The following MAGI1 variants were observed in gnomAD, a reference collection of about 807,000 sequenced individuals.
MAGI1 encodes the protein membrane-associated guanylate kinase, WW and PDZ domain-containing protein 1.
MAGI1 carries 58 observed loss-of-function variants against 139.9 expected under a neutral mutation model. The observed-to-expected ratio is 0.41, with a 90% confidence interval of 0.34 to 0.52. The LOEUF is 0.52. MAGI1 is among the 20% of genes least tolerant of loss of function. The pLI is 0.12. For synonymous variants in MAGI1, 812 were observed against 737.9 expected, an observed-to-expected ratio of 1.10 and a Z score of -1.63; for missense variants, 1,874 against 1,901.6, an observed-to-expected ratio of 0.99 and a Z score of 0.27.
intron 4 of MAGI1, 110 bp downstream of exon 4, chr3:65,478,482 G>A (rs1359571936): frequency 4.3e-5 from 44 of 1,032,352 alleles, no homozygotes; most frequent in Non-Finnish European, 5.7e-5. Flanking sequence ...GAATTTTGGC[G>A]ACTCTACAAA....
At chr3:65,963,722 A>C (rs2064588567) in intron 1 of MAGI1, among the ~76,000 whole-genome samples, 1 of 152,242 alleles carries the variant, frequency 6.6e-6, no homozygotes, top group Admixed American at 6.5e-5. Flanking sequence ...TATGCGAACT[A>C]CTTTAACATG....
At chr3:65,419,469 C>A (rs1946489926) in intron 12 of MAGI1, among the ~76,000 whole-genome samples, 1 of 152,110 alleles carries the variant, frequency 6.6e-6, no homozygotes, top group African/African-American at 2.4e-5. Context: ...AGGTCACAGC[C>A]CACAGTTTAT....
chr3:65,849,027 TTTTTTTTTTTTTTG>T (rs2059110810), intron 1 of MAGI1, among the ~76,000 whole-genome samples: 17 of 111,710 alleles, frequency 1.5e-4, no homozygotes, highest in South Asian at 5.9e-4. Context: ...TTTTTTTTTT[TTTTTTTTTTTTTTG>T]AGATGGAGTT....
chr3:65,749,210 T>C (rs1320187452), intron 1 of MAGI1, among the ~76,000 whole-genome samples: 1 of 152,122 alleles, frequency 6.6e-6, no homozygotes, highest in Non-Finnish European at 1.5e-5. Context: ...GAAGGTTAAA[T>C]GAAGAGAGTG....
chr3:65,679,546 G>C lies in MAGI1; in HGVS notation c.314-57458C>G, dbSNP rs2087429819. Among the ~76,000 whole-genome samples, 3 of 151,842 alleles carry C rather than the reference G, an allele frequency of 2.0e-5. No homozygotes were observed. The South Asian group carries it at 6.2e-4, about 32-fold the overall frequency. On this transcript the variant is annotated intron_variant, in intron 1 of 22. Coordinates refer to ENST00000402939, the MANE Select transcript of MAGI1 (RefSeq NM_001033057.2). Reference sequence around the variant, plus strand: ...CCACTGCACTCCAGCCTAGGTGACAGAGCAAGACTCTGTCTCCGGAAAAAA... The same window carrying C: ...CCACTGCACTCCAGCCTAGGTGACACAGCAAGACTCTGTCTCCGGAAAAAA...
chr3:65,852,982 A>G (rs1247902970), intron 1 of MAGI1, among the ~76,000 whole-genome samples: 1 of 116,130 alleles, frequency 8.6e-6, no homozygotes, highest in Non-Finnish European at 1.5e-5. Flanking sequence ...AAAAATACAA[A>G]AAAAAAAAAA....
chr3:65,646,461 A>C (rs2085266471), intron 1 of MAGI1, among the ~76,000 whole-genome samples: 1 of 152,106 alleles, frequency 6.6e-6, no homozygotes, highest in South Asian at 2.1e-4. Context: ...TAGAGACTTT[A>C]ACATCTCTCT....
intron 1 of MAGI1, among the ~76,000 whole-genome samples, chr3:65,910,875 T>TTTTTTTTTTTTTTTTTTG (rs2061638765): frequency 7.0e-6 from 1 of 143,024 alleles, no homozygotes. Context: ...TTTTTTTTTT[T>TTTTTTTTTTTTTTTTTTG]GAGATGGAGA....
chr3:65,843,115 A>G (rs1472759129), intron 1 of MAGI1, among the ~76,000 whole-genome samples: 1 of 152,182 alleles, frequency 6.6e-6, no homozygotes, highest in Non-Finnish European at 1.5e-5. Context: ...ACTCAATTCT[A>G]ATAAAAAGAA....
At position 65,699,428 on chromosome 3, in the gene MAGI1, A is replaced by G. The variant is rs552023356; in HGVS notation, c.314-77340T>C. Among the ~76,000 whole-genome samples the G allele has an allele frequency of 4.6e-3, 686 of 147,890 alleles. 6 individuals are homozygous for G. The highest frequency in any genetic ancestry group is 0.011 in the African/African-American group (435 of 38,804). Reference sequence around the variant, plus strand: ...TGCTGCTGTAAAGACACACGCACACATATGTTTATTGCGGCATTATTCACA... The same window carrying G: ...TGCTGCTGTAAAGACACACGCACACGTATGTTTATTGCGGCATTATTCACA... On this transcript the variant is annotated intron_variant, in intron 1 of 22. Coordinates refer to ENST00000402939, the MANE Select transcript of MAGI1 (RefSeq NM_001033057.2).
At chr3:65,774,189 A>T (rs264101) in intron 1 of MAGI1, among the ~76,000 whole-genome samples, 150,617 of 152,100 alleles carry the variant, frequency 0.99, 74,591 homozygotes, top group Middle Eastern at 1. Context: ...AGTTTCTATA[A>T]CTGACATATA....
At chr3:65,522,425 A>G (rs1576171143) in intron 2 of MAGI1, among the ~76,000 whole-genome samples, 1 of 152,318 alleles carries the variant, frequency 6.6e-6, no homozygotes, top group South Asian at 2.1e-4. Flanking sequence ...CTCTAAATCA[A>G]GAAAGGATTC....
At chr3:65,511,122 C>G (rs575901447) in intron 2 of MAGI1, among the ~76,000 whole-genome samples, 27 of 149,098 alleles carry the variant, frequency 1.8e-4, no homozygotes, top group African/African-American at 5.6e-4. Flanking sequence ...TTTGTCACCA[C>G]CAGGCCTGCC....
chr3:65,884,430 T>TA (rs2060453544), intron 1 of MAGI1, among the ~76,000 whole-genome samples: 2 of 152,130 alleles, frequency 1.3e-5, no homozygotes, highest in Non-Finnish European at 2.9e-5. Flanking sequence ...AGGTGAACAA[T>TA]GGCCAAAAAG....
chr3:65,925,916 G>A lies in MAGI1; in HGVS notation c.313+112080C>T, dbSNP rs767948996. On this transcript the variant is annotated intron_variant, in intron 1 of 22. Transcript: ENST00000402939. ...TGGTCTTGAACTCCTAGGTTAAAGC[G>A]ATCCACCTGCCTCAGCCTCCCAAAG... Among the ~76,000 whole-genome samples the A allele has an allele frequency of 1.2e-4, 18 of 152,074 alleles. 1 individual carries two copies. Among genetic ancestry groups the A allele is most frequent in the Non-Finnish European group, 2.9e-5 (2 of 68,006 alleles).
intron 1 of MAGI1, among the ~76,000 whole-genome samples, chr3:65,968,596 AAT>A (rs974505788): frequency 2.1e-4 from 32 of 150,974 alleles, no homozygotes; most frequent in Non-Finnish European, 4.0e-4. Flanking sequence ...TTCTCTATAT[AAT>A]ATATATATAT....
chr3:65,946,327 T>C (rs145537852), intron 1 of MAGI1, among the ~76,000 whole-genome samples: 4 of 152,260 alleles, frequency 2.6e-5, no homozygotes, highest in African/African-American at 4.8e-5. Context: ...TTGTGGGCTA[T>C]TGACGCTGAC....
At chr3:65,861,144 C>T (rs1048746926) in intron 1 of MAGI1, among the ~76,000 whole-genome samples, 3 of 152,152 alleles carry the variant, frequency 2.0e-5, no homozygotes, top group Non-Finnish European at 2.9e-5. Context: ...AAAGCAAGCC[C>T]CCCTCGCTCT....
chr3:65,741,193 TA>T (rs1475709315), intron 1 of MAGI1, among the ~76,000 whole-genome samples: 2 of 141,448 alleles, frequency 1.4e-5, no homozygotes, highest in African/African-American at 2.6e-5. Context: ...TTTTTTTTTT[TA>T]AATGGAGTCT....
Sources: allele counts gnomAD v4.1 joint callset (sites outside exome capture counted in the v4.1 genomes callset), GRCh38; gene constraint gnomAD v4.1.1; transcripts MANE v1.5; gene names NCBI Gene and HGNC (gene_info 2026-07-23, HGNC 2026-07-21).